Variants in PLEKHA7 observed in about 807,000 individuals in gnomAD.
PLEKHA7 encodes pleckstrin homology domain-containing family A member 7.
In PLEKHA7, 104 loss-of-function variants were observed where a neutral mutation model predicts 170.0. That is an observed-to-expected ratio of 0.61 (90% CI 0.52 to 0.72). PLEKHA7 has a LOEUF of 0.72. PLEKHA7 is among the 30% of genes least tolerant of loss of function. PLEKHA7 has a pLI of 0.00. For missense variants in PLEKHA7, 1,615 were observed against 1,671.7 expected, an observed-to-expected ratio of 0.97 and a Z score of 0.59; for synonymous variants, 648 against 660.8, an observed-to-expected ratio of 0.98 and a Z score of 0.30.
At chr11:16,891,171 T>C (rs11024071) in intron 3 of PLEKHA7, among the ~76,000 whole-genome samples, 25,362 of 152,154 alleles carry the variant, frequency 0.17, 2,618 homozygotes, top group Non-Finnish European at 0.24. Flanking sequence ...CGCCTTGGCC[T>C]CCCAAAGCAC....
At chr11:17,013,137 C>CGG (rs1865417602) in intron 3 of PLEKHA7, 1 of 152,312 alleles carries the variant, frequency 6.6e-6, no homozygotes, top group Non-Finnish European at 1.5e-5. Flanking sequence ...TCTGGCCTCC[C>CGG]GGAGCTCAGC....
intron 19 of PLEKHA7, 58 bp downstream of exon 19, chr11:16,794,430 G>A: frequency 1.3e-6 from 2 of 1,515,904 alleles, no homozygotes; most frequent in Non-Finnish European, 1.8e-6. Flanking sequence ...CCCAGGAGAA[G>A]GTAATCTGAG....
At chr11:16,980,823 G>T (rs940369729) in intron 3 of PLEKHA7, among the ~76,000 whole-genome samples, 3 of 152,070 alleles carry the variant, frequency 2.0e-5, no homozygotes, top group Non-Finnish European at 4.4e-5. Flanking sequence ...GGAGGCGGAG[G>T]TTGCAGTGAG....
chr11:16,944,024 G>A (rs762477252), intron 3 of PLEKHA7, among the ~76,000 whole-genome samples: 6 of 152,214 alleles, frequency 3.9e-5, no homozygotes, highest in Non-Finnish European at 7.3e-5. Context: ...TTTTGATGTT[G>A]TCTCTTTGGG....
intron 3 of PLEKHA7, among the ~76,000 whole-genome samples, chr11:16,988,854 C>T (rs1204837619): frequency 6.6e-6 from 1 of 152,242 alleles, no homozygotes; most frequent in Admixed American, 6.5e-5. Flanking sequence ...GTAGCTTTCA[C>T]AGAGGATGAG....
intron 3 of PLEKHA7, among the ~76,000 whole-genome samples, chr11:16,925,057 G>A (rs10766359): frequency 0.48 from 73,261 of 151,724 alleles, 18,213 homozygotes; most frequent in East Asian, 0.75. Context: ...AGGAAGGGCA[G>A]GCGCCCCTGC....
intron 4 of PLEKHA7, among the ~76,000 whole-genome samples, chr11:16,865,785 C>G (rs907060805): frequency 3.9e-5 from 6 of 152,140 alleles, no homozygotes; most frequent in Admixed American, 2.6e-4. Flanking sequence ...CTTGATAAAT[C>G]TGGACTGTGG....
chr11:16,851,155 G>T, intron 8 of PLEKHA7, 36 bp downstream of exon 8: 1 of 1,490,234 alleles, frequency 6.7e-7, no homozygotes, highest in African/African-American at 1.4e-5. Context: ...CAGTTTCTTA[G>T]ACAGAATGGC....
rs1590297820 is a variant in PLEKHA7 at position 16,841,535 on chromosome 11, A to C, written c.872+12T>G. The C allele has an allele frequency of 6.2e-7, 1 of 1,608,860 alleles. No individual in the cohort carries two copies. Among genetic ancestry groups the C allele is most frequent in the Non-Finnish European group, 8.5e-7 (1 of 1,177,186 alleles). On this transcript the variant is annotated intron_variant, in intron 9 of 26. Transcript: ENST00000531066. ...GGAGGTGCTGTGGCAGGGACCCTCC[A>C]TCAGAACTAACCTCTTCAGTGACGA...
chr11:16,840,159 G>C (rs1180121426), intron 9 of PLEKHA7, among the ~76,000 whole-genome samples: 1 of 152,186 alleles, frequency 6.6e-6, no homozygotes, highest in Non-Finnish European at 1.5e-5. Context: ...GCAGTCTTTG[G>C]TCCTGTCCTG....
At chr11:16,959,092 CTTTTA>C (rs1451009850) in intron 3 of PLEKHA7, among the ~76,000 whole-genome samples, 2 of 152,078 alleles carry the variant, frequency 1.3e-5, no homozygotes, top group African/African-American at 4.8e-5. Context: ...TTTGTTTTAA[CTTTTA>C]TTTTAGGTTT....
intron 13 of PLEKHA7, among the ~76,000 whole-genome samples, chr11:16,806,405 C>T (rs1348814995): frequency 6.6e-6 from 1 of 152,226 alleles, no homozygotes; most frequent in East Asian, 1.9e-4. Context: ...TGGGTCCCCC[C>T]AGCATCTCTG....
At chr11:16,786,863 A>G (rs1283453990) in intron 23 of PLEKHA7, 3 of 985,336 alleles carry the variant, frequency 3.0e-6, no homozygotes, top group Non-Finnish European at 3.6e-6. Context: ...TTTCAACAAG[A>G]TAACATTCGT....
At chr11:16,809,977 C>T (rs531014267) in intron 13 of PLEKHA7, among the ~76,000 whole-genome samples, 6 of 152,346 alleles carry the variant, frequency 3.9e-5, no homozygotes, top group Non-Finnish European at 5.9e-5. Context: ...GAACTCCTCA[C>T]TGCATGGAAT....
chr11:16,996,617 G>A (rs574411595), intron 3 of PLEKHA7, among the ~76,000 whole-genome samples: 56 of 152,308 alleles, frequency 3.7e-4, no homozygotes, highest in African/African-American at 1.3e-3. Flanking sequence ...TTCCTGTGCT[G>A]CAGAATGCTT....
At chr11:16,850,310 G>A (rs1448008883) in intron 8 of PLEKHA7, among the ~76,000 whole-genome samples, 2 of 152,192 alleles carry the variant, frequency 1.3e-5, no homozygotes, top group East Asian at 1.9e-4. Flanking sequence ...TGACGTGTAC[G>A]ACATTGCCTC....
intron 9 of PLEKHA7, 66 bp from the exon 10 acceptor site, chr11:16,826,656 A>G (rs1410386610): frequency 1.4e-6 from 2 of 1,405,828 alleles, no homozygotes; most frequent in East Asian, 2.3e-5. Flanking sequence ...TGCACTGTAC[A>G]CTCAATCACC....
chr11:16,825,029 G>T, intron 10 of PLEKHA7, among the ~76,000 whole-genome samples: 1 of 152,228 alleles, frequency 6.6e-6, no homozygotes, highest in Non-Finnish European at 1.5e-5. Context: ...AGGTGTCTTA[G>T]CTACAGCACA....
intron 7 of PLEKHA7, 108 bp from the exon 8 acceptor site, chr11:16,851,399 TC>T: frequency 1.6e-6 from 1 of 631,372 alleles, no homozygotes; most frequent in Non-Finnish European, 2.7e-6. Context: ...CCTTGTAATG[TC>T]CATCCTCCCA....
Sources: gnomAD v4.1 joint callset for allele counts (sites outside exome capture counted in the v4.1 genomes callset) on GRCh38, gnomAD v4.1.1 for gene constraint, MANE v1.5 for transcripts, NCBI Gene and HGNC (gene_info 2026-07-23, HGNC 2026-07-21) for gene names.